RSRC1: variants seen among roughly 807,000 people sequenced by gnomAD.
RSRC1 encodes arginine and serine rich coiled-coil 1.
RSRC1 carries 39 observed loss-of-function variants against 49.1 expected under a neutral mutation model. The ratio of observed to expected loss-of-function variants is 0.79; its 90% CI spans 0.61 to 1.04. The LOEUF (loss-of-function observed/expected upper bound fraction) is 1.04. RSRC1 is among the 50% of genes least tolerant of loss of function. The pLI is 0.00. For synonymous variants in RSRC1, 143 were observed against 130.8 expected (o/e 1.09, Z -0.63); for missense variants, 388 against 402.4 (o/e 0.96, Z 0.31).
intron 4 of RSRC1, among the ~76,000 whole-genome samples, chr3:158,240,865 G>A (rs553720358): frequency 2.0e-5 from 3 of 152,220 alleles, no homozygotes; most frequent in Admixed American, 2.0e-4. Context: ...CAGATTGACA[G>A]ATCACAAGAA....
chr3:158,284,342 A>G (rs989546685), intron 4 of RSRC1, among the ~76,000 whole-genome samples: 5 of 150,486 alleles, frequency 3.3e-5, no homozygotes, highest in Non-Finnish European at 5.9e-5. Flanking sequence ...GAATAGTGCC[A>G]CAATAAACAT....
chr3:158,414,027 C>A (rs1734608912), intron 6 of RSRC1, among the ~76,000 whole-genome samples: 1 of 152,008 alleles, frequency 6.6e-6, no homozygotes, highest in South Asian at 2.1e-4. Context: ...TGGGTATATA[C>A]CCAAAAGAAT....
chr3:158,352,633 G>C (rs1303092515), intron 5 of RSRC1, among the ~76,000 whole-genome samples: 1 of 152,106 alleles, frequency 6.6e-6, no homozygotes, highest in East Asian at 1.9e-4. Context: ...GGATCTGCTT[G>C]AATCTGGCCC....
At chr3:158,468,904 A>G (rs907960867) in intron 7 of RSRC1, among the ~76,000 whole-genome samples, 8 of 152,198 alleles carry the variant, frequency 5.3e-5, no homozygotes, top group Admixed American at 2.0e-4. Flanking sequence ...ACTAAGATTT[A>G]TTCTGATAAG....
At chr3:158,143,436 C>T (rs945379039) in intron 3 of RSRC1, among the ~76,000 whole-genome samples, 2 of 152,008 alleles carry the variant, frequency 1.3e-5, no homozygotes, top group Non-Finnish European at 2.9e-5. Context: ...CTTTTAATGC[C>T]ACTTCAAGAA....
At chr3:158,355,333 A>G (rs1731098377) in intron 6 of RSRC1, among the ~76,000 whole-genome samples, 1 of 151,644 alleles carries the variant, frequency 6.6e-6, no homozygotes, top group South Asian at 2.1e-4. Context: ...AAACCATAAA[A>G]CTTTATATTT....
chr3:158,189,433 C>A (rs1720100846), intron 3 of RSRC1, among the ~76,000 whole-genome samples: 1 of 151,792 alleles, frequency 6.6e-6, no homozygotes. Flanking sequence ...TATTTTGAGG[C>A]TCTTTTATTA....
intron 4 of RSRC1, among the ~76,000 whole-genome samples, chr3:158,291,611 T>C (rs1726939147): frequency 6.6e-6 from 1 of 152,204 alleles, no homozygotes; most frequent in South Asian, 2.1e-4. Flanking sequence ...AATCAAGTAA[T>C]TTAAGTTATT....
At chr3:158,291,108 G>A (rs1726910423) in intron 4 of RSRC1, among the ~76,000 whole-genome samples, 1 of 152,190 alleles carries the variant, frequency 6.6e-6, no homozygotes, top group South Asian at 2.1e-4. Context: ...GCCTGAGGAT[G>A]GAGGGCCACT....
At chr3:158,129,909 G>T (rs1715900658) in intron 3 of RSRC1, among the ~76,000 whole-genome samples, 1 of 152,132 alleles carries the variant, frequency 6.6e-6, no homozygotes, top group East Asian at 1.9e-4. Context: ...TGAACATGTT[G>T]TATCTCTCCA....
At chr3:158,494,213 G>T (rs142626741) in intron 7 of RSRC1, among the ~76,000 whole-genome samples, 269 of 152,232 alleles carry the variant, frequency 1.8e-3, no homozygotes, top group African/African-American at 5.3e-3. Flanking sequence ...GGTATAGCCC[G>T]CTGCTCCTAG....
intron 3 of RSRC1, among the ~76,000 whole-genome samples, chr3:158,189,950 A>C (rs1474210917): frequency 6.6e-6 from 1 of 151,912 alleles, no homozygotes; most frequent in Non-Finnish European, 1.5e-5. Context: ...TAAGTCTAAC[A>C]TAAATTACTA....
At chr3:158,340,162 G>A (rs1349416009) in intron 5 of RSRC1, among the ~76,000 whole-genome samples, 2 of 152,154 alleles carry the variant, frequency 1.3e-5, no homozygotes, top group African/African-American at 4.8e-5. Flanking sequence ...GGTCTTTCCT[G>A]TGCTATTCTC....
intron 3 of RSRC1, among the ~76,000 whole-genome samples, chr3:158,162,089 T>A (rs1718263276): frequency 6.6e-6 from 1 of 152,156 alleles, no homozygotes; most frequent in African/African-American, 2.4e-5. Context: ...GTGGGAGAAA[T>A]GACTTTATCT....
intron 4 of RSRC1, among the ~76,000 whole-genome samples, chr3:158,252,932 C>G (rs1025954334): frequency 7.2e-5 from 11 of 152,000 alleles, no homozygotes; most frequent in Non-Finnish European, 4.4e-5. Flanking sequence ...GTTGTAGTGT[C>G]TCCTTTTTCA....
At chr3:158,190,280 T>C (rs562024748) in intron 3 of RSRC1, among the ~76,000 whole-genome samples, 3 of 152,148 alleles carry the variant, frequency 2.0e-5, no homozygotes, top group African/African-American at 7.2e-5. Context: ...TGGATGGCTT[T>C]AGTTACAGGA....
chr3:158,166,142 G>A (rs1428599223), intron 3 of RSRC1, among the ~76,000 whole-genome samples: 1 of 152,110 alleles, frequency 6.6e-6, no homozygotes. Flanking sequence ...ATTGTGTGAC[G>A]GGGATAAGCT....
intron 7 of RSRC1, among the ~76,000 whole-genome samples, chr3:158,527,514 CTT>C (rs1712113527): frequency 6.6e-6 from 1 of 151,804 alleles, no homozygotes; most frequent in African/African-American, 2.4e-5. Context: ...TCTGGAAACT[CTT>C]TTCATTTTAC....
chr3:158,115,027 A>G (rs1204643533), intron 1 of RSRC1, among the ~76,000 whole-genome samples: 1 of 152,120 alleles, frequency 6.6e-6, no homozygotes, highest in Non-Finnish European at 1.5e-5. Flanking sequence ...AGAGTTTTCA[A>G]TACTATGTTG....
Sources: allele counts gnomAD v4.1 joint callset (sites outside exome capture counted in the v4.1 genomes callset), GRCh38; gene constraint gnomAD v4.1.1; transcripts MANE v1.5; gene names NCBI Gene and HGNC (gene_info 2026-07-23, HGNC 2026-07-21).